The following STK32B variants were observed in gnomAD, a reference collection of about 807,000 sequenced individuals.
STK32B encodes the protein serine/threonine-protein kinase 32B.
In STK32B, 43 loss-of-function variants were observed where a neutral mutation model predicts 52.6. The observed-to-expected ratio is 0.82, with a 90% CI of 0.64 to 1.05. The LOEUF is 1.05. Ranked by LOEUF, STK32B falls within the 50% of genes least tolerant of loss-of-function variation. The probability of loss-of-function intolerance (pLI) is 0.00; values close to 1 mark genes in which losing one functional copy is unlikely to be tolerated. For missense variants in STK32B, 621 were observed against 534.6 expected (o/e 1.16, Z -1.59); for synonymous variants, 238 against 204.3 (o/e 1.17, Z -1.41).
chr4:5,109,320 T>C (rs1301168913), intron 1 of STK32B, among the ~76,000 whole-genome samples: 1 of 152,204 alleles, frequency 6.6e-6, no homozygotes, highest in Non-Finnish European at 1.5e-5. Context: ...CCAATATTTA[T>C]TGAACAACTA....
intron 9 of STK32B, among the ~76,000 whole-genome samples, chr4:5,462,268 ATGTG>A (rs565663462): frequency 2.6e-3 from 376 of 142,236 alleles, no homozygotes; most frequent in Middle Eastern, 0.012. Context: ...TTGTGTCTGT[ATGTG>A]TGTGTGTGTA....
chr4:5,466,307 G>A (rs1481846819), intron 9 of STK32B, among the ~76,000 whole-genome samples: 11 of 152,174 alleles, frequency 7.2e-5, no homozygotes, highest in Admixed American at 1.3e-4. Flanking sequence ...ATTTTGAGCT[G>A]AAATTGTATT....
rs1223781811 is a variant in STK32B, at chr4:5,395,054, T to C, written c.435-3153T>C. ...AGGCTCTTGTGGTTGTTGGCAGATT[T>C]CAGCTCTTATGGCTGCAGGACTGGG... On this transcript the variant is annotated intron_variant, in intron 4 of 11. Transcript: ENST00000282908. The surrounding 1 kb of genome is among the most constrained non-coding windows in gnomAD (Gnocchi z 4.4). Among the ~76,000 whole-genome samples, 1 of 152,154 alleles carries C rather than the reference T, an allele frequency of 6.6e-6. No homozygotes were observed. The highest frequency in any genetic ancestry group is 1.5e-5 in the Non-Finnish European group (1 of 68,022).
chr4:5,210,156 G>T (rs1722819502), intron 3 of STK32B, among the ~76,000 whole-genome samples: 1 of 152,094 alleles, frequency 6.6e-6, no homozygotes, highest in African/African-American at 2.4e-5. Flanking sequence ...TGTTACAAAG[G>T]CATAATGTTG....
At chr4:5,256,133 A>T (rs1055456616) in intron 3 of STK32B, among the ~76,000 whole-genome samples, 1 of 152,112 alleles carries the variant, frequency 6.6e-6, no homozygotes, top group Non-Finnish European at 1.5e-5. Context: ...CTTCCCATCC[A>T]TGTTAGAGAT....
chr4:5,460,157 G>A lies in STK32B; in HGVS notation c.838G>A (p.Val280Met), dbSNP rs369116885. 4 of 1,614,038 alleles carry A rather than the reference G, an allele frequency of 2.5e-6. No homozygotes were observed. Among genetic ancestry groups the A allele is most frequent in the African/African-American group, 1.3e-5 (1 of 74,922 alleles). The change falls in exon 9 of 12, where the codon GTG (valine) becomes ATG (methionine). Residue 280 changes from valine to methionine, a missense_variant. Coordinates refer to ENST00000282908, the MANE Select transcript of STK32B (RefSeq NM_018401.3). This position sits in a 1 kb window ranked among gnomAD's most constrained non-coding sequence, Gnocchi z 4.8. ...GTCCAGCCTTCATGACATACAGAGC[G>A]TGCCCTACTTGGCCGACATGAACTG... is the stretch of plus-strand genomic sequence containing the variant. ...RVSSLHDIQS[V>M]PYLADMNWDA... is the part of the protein sequence containing the mutation.
At chr4:5,417,086 C>A in intron 6 of STK32B, 152 bp downstream of exon 6, 1 of 678,838 alleles carries the variant, frequency 1.5e-6, no homozygotes, top group South Asian at 2.2e-5. Context: ...AATGCTCCCT[C>A]GAAGCTCTGG....
chr4:5,410,937 G>T (rs1266191661), intron 5 of STK32B, among the ~76,000 whole-genome samples: 5 of 152,064 alleles, frequency 3.3e-5, no homozygotes, highest in Non-Finnish European at 5.9e-5. Context: ...TCTTGTAGTT[G>T]CGTCCTCTCA....
chr4:5,292,259 C>T (rs1442048136), intron 3 of STK32B, among the ~76,000 whole-genome samples: 4 of 152,118 alleles, frequency 2.6e-5, no homozygotes, highest in Non-Finnish European at 5.9e-5. Context: ...ACAACCCCAA[C>T]AACAATGTAT....
At chr4:5,414,325 T>C (rs1711966941) in intron 5 of STK32B, among the ~76,000 whole-genome samples, 1 of 150,190 alleles carries the variant, frequency 6.7e-6, no homozygotes, top group Non-Finnish European at 1.5e-5. Context: ...ATTTTTATAC[T>C]ATGTAATACT....
chr4:5,181,600 CAATA>C (rs1411108677), intron 3 of STK32B, among the ~76,000 whole-genome samples: 2 of 152,122 alleles, frequency 1.3e-5, no homozygotes, highest in Non-Finnish European at 2.9e-5. Context: ...GCAAATATCA[CAATA>C]AAGCAAGAAA....
intron 2 of STK32B, among the ~76,000 whole-genome samples, chr4:5,150,182 A>G (rs1398189391): frequency 6.6e-6 from 1 of 152,014 alleles, no homozygotes; most frequent in Non-Finnish European, 1.5e-5. Flanking sequence ...AAGTTTTCCT[A>G]TGGTATGCAT....
intron 3 of STK32B, among the ~76,000 whole-genome samples, chr4:5,250,836 T>A (rs542633795): frequency 6.6e-6 from 1 of 152,336 alleles, no homozygotes; most frequent in East Asian, 1.9e-4. Flanking sequence ...CATTTTTTCA[T>A]ATGCTTGTTG....
the STK32B span, among the ~76,000 whole-genome samples, chr4:5,034,045 AAAG>A: frequency 3.2e-4 from 48 of 152,210 alleles, no homozygotes; most frequent in Non-Finnish European, 6.0e-4. Flanking sequence ...ACACTTTACA[AAAG>A]AAGAAGGAAA....
At chr4:5,431,968 T>G (rs1470100405) in intron 6 of STK32B, among the ~76,000 whole-genome samples, 1 of 152,252 alleles carries the variant, frequency 6.6e-6, no homozygotes, top group Non-Finnish European at 1.5e-5. Context: ...ACAGAGCTCT[T>G]GAATCATTAC....
chr4:5,224,209 A>G (rs968468705), intron 3 of STK32B, among the ~76,000 whole-genome samples: 1 of 152,222 alleles, frequency 6.6e-6, no homozygotes, highest in Non-Finnish European at 1.5e-5. Flanking sequence ...TTGGAGTCCC[A>G]GGGGAGGAAT....
chr4:5,474,955 T>C (rs898563533), intron 11 of STK32B, among the ~76,000 whole-genome samples: 1 of 152,170 alleles, frequency 6.6e-6, no homozygotes, highest in African/African-American at 2.4e-5. Flanking sequence ...GGAACCTTGA[T>C]ACAGCAGAGC....
chr4:5,092,244 A>G (rs1214062410), intron 1 of STK32B, among the ~76,000 whole-genome samples: 1 of 152,228 alleles, frequency 6.6e-6, no homozygotes, highest in African/African-American at 2.4e-5. Flanking sequence ...ATAAAGAAAT[A>G]CCAGAGGCTG....
chr4:5,278,112 G>T (rs554244685), intron 3 of STK32B, among the ~76,000 whole-genome samples: 3 of 152,340 alleles, frequency 2.0e-5, no homozygotes, highest in African/African-American at 7.2e-5. Flanking sequence ...GGGGTGGCAG[G>T]TAGAAGATGA....
Sources: allele counts gnomAD v4.1 joint callset (sites outside exome capture counted in the v4.1 genomes callset), GRCh38; gene constraint gnomAD v4.1.1; non-coding constraint Gnocchi (gnomAD v3.1); transcripts MANE v1.5; gene names NCBI Gene and HGNC (gene_info 2026-07-23, HGNC 2026-07-21).